The following PDE1C variants were observed in gnomAD, a reference collection of about 807,000 sequenced individuals.
PDE1C encodes dual specificity calcium/calmodulin-dependent 3',5'-cyclic nucleotide phosphodiesterase 1C.
A neutral mutation model predicts 93.1 loss-of-function variants in PDE1C; 62 were observed. The observed-to-expected ratio is 0.67, with a 90% CI of 0.54 to 0.82. The LOEUF (loss-of-function observed/expected upper bound fraction) is 0.82, where lower values mean the gene tolerates loss of function less well. Among genes scored for constraint, PDE1C ranks in the 40% least tolerant of loss-of-function variants. PDE1C has a pLI of 0.00. For missense variants in PDE1C, 742 were observed against 884.6 expected, an observed-to-expected ratio of 0.84 and a Z score of 2.04; for synonymous variants, 325 against 310.1, an observed-to-expected ratio of 1.05 and a Z score of -0.50.
chr7:32,127,952 C>A (rs1378733135), intron 3 of PDE1C, among the ~76,000 whole-genome samples: 4 of 151,592 alleles, frequency 2.6e-5, no homozygotes, highest in Non-Finnish European at 5.9e-5. Context: ...AGAAACTTAC[C>A]CAATCGGATA....
At chr7:32,341,758 C>T (rs921229115) in intron 1 of PDE1C, among the ~76,000 whole-genome samples, 7 of 152,188 alleles carry the variant, frequency 4.6e-5, no homozygotes, top group African/African-American at 1.7e-4. Context: ...GCACTGAAAA[C>T]ACACTCACAG....
chr7:32,218,710 T>C (rs1261800214), intron 1 of PDE1C, among the ~76,000 whole-genome samples: 1 of 152,276 alleles, frequency 6.6e-6, no homozygotes, highest in Non-Finnish European at 1.5e-5. Flanking sequence ...TTTTGCTCTA[T>C]GCTCCTATCC....
chr7:32,324,893 G>A (rs981843483), intron 1 of PDE1C, among the ~76,000 whole-genome samples: 4 of 152,156 alleles, frequency 2.6e-5, no homozygotes, highest in African/African-American at 7.2e-5. Flanking sequence ...AGGATGCAGT[G>A]AGCTGTGATC....
chr7:32,128,906 A>AATATATAC (rs1799742178), intron 3 of PDE1C, among the ~76,000 whole-genome samples: 1 of 56,000 alleles, frequency 1.8e-5, no homozygotes, highest in Non-Finnish European at 3.3e-5. Flanking sequence ...AAGTATAACA[A>AATATATAC]ATATATATAT....
At chr7:32,004,297 G>A (rs112667847) in intron 2 of PDE1C, among the ~76,000 whole-genome samples, 2,089 of 152,002 alleles carry the variant, frequency 0.014, 44 homozygotes, top group African/African-American at 0.046. Flanking sequence ...TGGACCTCTC[G>A]TGATCTTATT....
intron 1 of PDE1C, among the ~76,000 whole-genome samples, chr7:32,400,809 G>T (rs552361106): frequency 4.1e-4 from 62 of 152,342 alleles, no homozygotes; most frequent in African/African-American, 1.4e-3. Context: ...ATTTGTATCT[G>T]CAGGGCCACA....
chr7:32,053,561 C>T (rs6969812), intron 1 of PDE1C, among the ~76,000 whole-genome samples: 17,338 of 152,174 alleles, frequency 0.11, 1,058 homozygotes, highest in African/African-American at 0.15. Flanking sequence ...GGCAAGGAGG[C>T]AGTTGGAAAA....
At chr7:31,668,419 A>G in the PDE1C span, among the ~76,000 whole-genome samples, 2 of 152,262 alleles carry the variant, frequency 1.3e-5, no homozygotes, top group East Asian at 3.9e-4. Context: ...TAGAAATAAC[A>G]TCACAAATTT....
At chr7:31,822,989 G>A (rs1789165525) in intron 14 of PDE1C, 84 bp downstream of exon 14, 1 of 1,138,246 alleles carries the variant, frequency 8.8e-7, no homozygotes, top group Non-Finnish European at 1.2e-6. Flanking sequence ...CTGAGCAACT[G>A]TGCTTTATTT....
chr7:32,380,038 C>A (rs1243723883), intron 1 of PDE1C, among the ~76,000 whole-genome samples: 1 of 152,094 alleles, frequency 6.6e-6, no homozygotes, highest in Non-Finnish European at 1.5e-5. Flanking sequence ...TATCAGTTTT[C>A]CCCCTATCTA....
rs1807602244 is a variant in PDE1C, at chr7:31,952,918, A to G, written c.129-72058T>C. On this transcript the variant is annotated intron_variant, in intron 2 of 17. Transcript: ENST00000396191. ...TCGCCCCATCAGACTCCTTTAATACACTACATCTAGTATTGTTTAATTTTC... is the reference window on the plus strand; with the variant it reads ...TCGCCCCATCAGACTCCTTTAATACGCTACATCTAGTATTGTTTAATTTTC... 3.3e-5 allele frequency among the ~76,000 whole-genome samples: 5 copies of G among 151,980 alleles called. No homozygotes were observed. In the South Asian group the frequency reaches 8.3e-4, roughly 25 times the overall value.
chr7:32,068,412 G>T (rs1795651864), intron 1 of PDE1C, among the ~76,000 whole-genome samples: 1 of 152,148 alleles, frequency 6.6e-6, no homozygotes, highest in Non-Finnish European at 1.5e-5. Flanking sequence ...AGAAGAAGAA[G>T]AAGAAGTGGT....
intron 1 of PDE1C, among the ~76,000 whole-genome samples, chr7:32,359,705 T>C (rs952198918): frequency 2.0e-5 from 3 of 152,226 alleles, no homozygotes; most frequent in Non-Finnish European, 2.9e-5. Flanking sequence ...TAAGAGGCTG[T>C]CTTATTTTTT....
At chr7:32,193,534 T>C (rs779378032) in intron 2 of PDE1C, among the ~76,000 whole-genome samples, 5 of 152,196 alleles carry the variant, frequency 3.3e-5, no homozygotes, top group Non-Finnish European at 5.9e-5. Flanking sequence ...GTTTTATATA[T>C]TATTGAATTC....
the PDE1C span, among the ~76,000 whole-genome samples, chr7:31,627,477 G>A: frequency 1.3e-5 from 2 of 151,868 alleles, no homozygotes; most frequent in African/African-American, 2.4e-5. Context: ...GGGCAACATG[G>A]CAATACCCCA....
At chr7:31,629,528 A>G in the PDE1C span, among the ~76,000 whole-genome samples, 70 of 152,360 alleles carry the variant, frequency 4.6e-4, no homozygotes, top group Non-Finnish European at 9.1e-4. Context: ...ATATTTTTCA[A>G]CAATTTTTAA....
At chr7:32,209,395 G>T in intron 2 of PDE1C, 3 of 1,005,666 alleles carry the variant, frequency 3.0e-6, no homozygotes, top group South Asian at 1.6e-5. Context: ...ATTAACACCT[G>T]ACAGAATTGA....
intron 2 of PDE1C, among the ~76,000 whole-genome samples, chr7:31,985,585 C>G (rs947879610): frequency 6.6e-6 from 1 of 151,972 alleles, no homozygotes; most frequent in Non-Finnish European, 1.5e-5. Context: ...CCCCAGCCCC[C>G]GACAGGTCCC....
chr7:31,926,901 T>TTTTTGTTTTGTTTTG (rs111533454), intron 2 of PDE1C, among the ~76,000 whole-genome samples: 71 of 151,772 alleles, frequency 4.7e-4, no homozygotes, highest in Admixed American at 1.6e-3. Flanking sequence ...TGCAGGAGTT[T>TTTTTGTTTTGTTTTG]TTTTGTTTTG....
Sources: allele counts gnomAD v4.1 joint callset (sites outside exome capture counted in the v4.1 genomes callset), GRCh38; gene constraint gnomAD v4.1.1; transcripts MANE v1.5; gene names NCBI Gene and HGNC (gene_info 2026-07-23, HGNC 2026-07-21).